FUT8: variants seen among roughly 807,000 people sequenced by gnomAD.
FUT8 encodes the protein alpha-(1,6)-fucosyltransferase.
FUT8 carries 29 observed loss-of-function variants against 71.3 expected under a neutral mutation model. The observed-to-expected ratio is 0.41, with a 90% CI of 0.30 to 0.55. The LOEUF (loss-of-function observed/expected upper bound fraction) is 0.55. FUT8 is among the 20% of genes least tolerant of loss of function. The probability of loss-of-function intolerance (pLI) is 0.34; values close to 1 mark genes in which losing one functional copy is unlikely to be tolerated. For synonymous variants in FUT8, 254 were observed against 239.3 expected (o/e 1.06, Z -0.57); for missense variants, 544 against 702.1 (o/e 0.77, Z 2.55).
chr14:65,564,129 G>A (rs1328143307), intron 3 of FUT8, among the ~76,000 whole-genome samples: 2 of 152,072 alleles, frequency 1.3e-5, no homozygotes, highest in Non-Finnish European at 2.9e-5. Flanking sequence ...GAAAGGAAGA[G>A]CAATGGAGGT....
intron 7 of FUT8, among the ~76,000 whole-genome samples, chr14:65,705,408 G>A (rs1050783282): frequency 6.6e-6 from 1 of 152,138 alleles, no homozygotes; most frequent in African/African-American, 2.4e-5. Context: ...ACACATTTCT[G>A]TGTTCATTTT....
At chr14:65,613,295 AT>A (rs1470831219) in intron 3 of FUT8, among the ~76,000 whole-genome samples, 1 of 152,216 alleles carries the variant, frequency 6.6e-6, no homozygotes, top group Non-Finnish European at 1.5e-5. Flanking sequence ...GAAAAAGGAC[AT>A]TCCTGTCCTA....
At chr14:65,655,527 G>C (rs532203620) in intron 6 of FUT8, among the ~76,000 whole-genome samples, 24 of 145,256 alleles carry the variant, frequency 1.7e-4, no homozygotes, top group South Asian at 6.8e-4. Context: ...AGACAGAATA[G>C]ACTTCAGAGC....
chr14:65,551,011 G>T (rs1163127825), intron 2 of FUT8, among the ~76,000 whole-genome samples: 2 of 152,176 alleles, frequency 1.3e-5, no homozygotes, highest in African/African-American at 4.8e-5. Context: ...CAAAGGGCAT[G>T]TGTATGTAAA....
chr14:65,437,601 T>C (rs2065581216), intron 1 of FUT8, among the ~76,000 whole-genome samples: 1 of 152,208 alleles, frequency 6.6e-6, no homozygotes, highest in Non-Finnish European at 1.5e-5. Flanking sequence ...CTAGAGTACA[T>C]GAATTCATAT....
chr14:65,661,262 A>G (rs1308114764), intron 6 of FUT8, among the ~76,000 whole-genome samples: 1 of 152,156 alleles, frequency 6.6e-6, no homozygotes, highest in African/African-American at 2.4e-5. Flanking sequence ...TGTATTGAAG[A>G]CATCATGGTG....
At chr14:65,500,495 T>C (rs1329304732) in intron 2 of FUT8, among the ~76,000 whole-genome samples, 2 of 152,228 alleles carry the variant, frequency 1.3e-5, no homozygotes, top group Non-Finnish European at 2.9e-5. Flanking sequence ...TCTCTTACTT[T>C]GTTGTCTTCC....
At chr14:65,543,839 T>G (rs971382553) in intron 2 of FUT8, among the ~76,000 whole-genome samples, 1 of 152,148 alleles carries the variant, frequency 6.6e-6, no homozygotes, top group Non-Finnish European at 1.5e-5. Context: ...TTGCACATAA[T>G]TGCATATGGC....
chr14:65,561,820 G>A, intron 3 of FUT8, 54 bp downstream of exon 3: 3 of 1,419,422 alleles, frequency 2.1e-6, no homozygotes, highest in Admixed American at 1.8e-5. Flanking sequence ...TTTGTTTTTA[G>A]GTGTAGGGCT....
At chr14:65,466,071 C>G (rs1164172007) in intron 2 of FUT8, among the ~76,000 whole-genome samples, 3 of 152,126 alleles carry the variant, frequency 2.0e-5, no homozygotes, top group Admixed American at 6.5e-5. Flanking sequence ...TAAGCTTGCT[C>G]TTTCTGAAAT....
intron 1 of FUT8, among the ~76,000 whole-genome samples, chr14:65,440,898 T>C (rs1000701637): frequency 6.6e-6 from 1 of 152,182 alleles, no homozygotes; most frequent in Admixed American, 6.5e-5. Flanking sequence ...AGAAGTACCC[T>C]TCACCTAAAT....
In FUT8 at chr14:65,743,222, G is replaced by A. The variant is rs953598843; in HGVS notation, c.*812G>A. On this transcript the variant is annotated 3_prime_UTR_variant, in exon 11 of 11. Coordinates refer to ENST00000673929, the MANE Select transcript of FUT8 (RefSeq NM_001371533.1). ...TGTGGAAGAACTGTGATAAAAAGAG[G>A]AGCTTTTTAGTTTTTCAGCTTATTT... 3 of 152,004 alleles carry A rather than the reference G, an allele frequency of 2.0e-5. No individual in the cohort carries two copies. Among genetic ancestry groups the A allele is most frequent in the Non-Finnish European group, 2.9e-5 (2 of 67,852 alleles). The allele number at this position is 152,004 out of a possible 1,614,324, so 9.4% of individuals were successfully genotyped here. A position where few individuals can be genotyped will look rare whatever the true frequency, so the allele number is the denominator to read the frequency against.
intron 6 of FUT8, among the ~76,000 whole-genome samples, chr14:65,661,030 C>A (rs1056852684): frequency 6.6e-6 from 1 of 152,222 alleles, no homozygotes; most frequent in Admixed American, 6.5e-5. Context: ...TTAGAGCAGA[C>A]AAAGAGCACA....
intron 3 of FUT8, among the ~76,000 whole-genome samples, chr14:65,602,597 C>G (rs547616917): frequency 2.0e-5 from 3 of 151,854 alleles, no homozygotes; most frequent in East Asian, 3.9e-4. Flanking sequence ...AATCTCCACA[C>G]TGTTTTCCAT....
At chr14:65,381,970 C>T in the FUT8 span, among the ~76,000 whole-genome samples, 1 of 152,210 alleles carries the variant, frequency 6.6e-6, no homozygotes, top group East Asian at 1.9e-4. Context: ...AAAATCTACC[C>T]CTTGCCTATT....
intron 7 of FUT8, among the ~76,000 whole-genome samples, chr14:65,692,495 G>T (rs1463772610): frequency 1.7e-5 from 1 of 58,664 alleles, no homozygotes. Context: ...GCGGCTGGCC[G>T]GGCGGGGGGC....
At chr14:65,684,626 C>A (rs534527289) in intron 7 of FUT8, among the ~76,000 whole-genome samples, 1 of 152,266 alleles carries the variant, frequency 6.6e-6, no homozygotes, top group South Asian at 2.1e-4. Flanking sequence ...TGAATTATAA[C>A]CCCGAGGTGT....
intron 7 of FUT8, among the ~76,000 whole-genome samples, chr14:65,677,282 G>A (rs1892809496): frequency 6.6e-6 from 1 of 152,028 alleles, no homozygotes; most frequent in South Asian, 2.1e-4. Flanking sequence ...AACCTTCTTA[G>A]ATGATACTTT....
chr14:65,428,916 A>G (rs997314223), intron 1 of FUT8, among the ~76,000 whole-genome samples: 11 of 152,308 alleles, frequency 7.2e-5, no homozygotes, highest in Admixed American at 2.6e-4. Flanking sequence ...GGGGTTAGAT[A>G]GTTTTTCAAG....
Sources: gnomAD v4.1 joint callset for allele counts (sites outside exome capture counted in the v4.1 genomes callset) on GRCh38, gnomAD v4.1.1 for gene constraint, MANE v1.5 for transcripts, NCBI Gene and HGNC (gene_info 2026-07-23, HGNC 2026-07-21) for gene names.